NAALADL2: variants seen among roughly 807,000 people sequenced by gnomAD.
NAALADL2 encodes N-acetylated alpha-linked acidic dipeptidase like 2.
A neutral mutation model predicts 87.2 loss-of-function variants in NAALADL2; 76 were observed. The ratio of observed to expected loss-of-function variants is 0.87; its 90% CI spans 0.72 to 1.05. The LOEUF (loss-of-function observed/expected upper bound fraction) is 1.05, where lower values mean the gene tolerates loss of function less well. Ranked by LOEUF, NAALADL2 falls within the 50% of genes least tolerant of loss-of-function variation. NAALADL2 has a pLI of 0.00. For missense variants in NAALADL2, 1,089 were observed against 945.8 expected (o/e 1.15, Z -1.99); for synonymous variants, 354 against 331.0 (o/e 1.07, Z -0.75).
intron 13 of NAALADL2, chr3:175,775,080 A>G (rs902299216): frequency 2.0e-5 from 3 of 148,900 alleles, no homozygotes; most frequent in Non-Finnish European, 3.0e-5. Context: ...TATGATCAGA[A>G]AGTAGTAAGG....
At chr3:174,669,024 A>C (rs533884834) in intron 2 of NAALADL2, among the ~76,000 whole-genome samples, 105 of 152,268 alleles carry the variant, frequency 6.9e-4, no homozygotes, top group African/African-American at 2.4e-3. Context: ...GAACTAGTTT[A>C]TAGTCCCACC....
chr3:174,449,797 AT>A (rs1338418615), intron 1 of NAALADL2, among the ~76,000 whole-genome samples: 5 of 152,160 alleles, frequency 3.3e-5, no homozygotes, highest in Non-Finnish European at 7.4e-5. Flanking sequence ...CCACTTTTTC[AT>A]TAGTCCTTCT....
intron 1 of NAALADL2, among the ~76,000 whole-genome samples, chr3:174,880,915 G>A (rs1222057948): frequency 6.6e-6 from 1 of 152,010 alleles, no homozygotes; most frequent in Non-Finnish European, 1.5e-5. Flanking sequence ...GATTCTGGTG[G>A]CTGATGGCAA....
At chr3:174,690,433 A>G (rs553419853) in intron 2 of NAALADL2, among the ~76,000 whole-genome samples, 1 of 152,198 alleles carries the variant, frequency 6.6e-6, no homozygotes, top group Non-Finnish European at 1.5e-5. Context: ...TAAATTAAGC[A>G]TATCTTAAAT....
At chr3:174,700,699 A>C (rs1729468196) in intron 2 of NAALADL2, among the ~76,000 whole-genome samples, 1 of 152,234 alleles carries the variant, frequency 6.6e-6, no homozygotes, top group South Asian at 2.1e-4. Context: ...TGGAAGTCAG[A>C]TAATATACAG....
At chr3:175,010,964 G>A (rs1042945219) in intron 1 of NAALADL2, among the ~76,000 whole-genome samples, 1 of 152,068 alleles carries the variant, frequency 6.6e-6, no homozygotes, top group Non-Finnish European at 1.5e-5. Flanking sequence ...TTGGTATAAA[G>A]TAATAAAGAG....
intron 9 of NAALADL2, among the ~76,000 whole-genome samples, chr3:175,550,010 T>G (rs1031606891): frequency 2.0e-5 from 3 of 151,898 alleles, no homozygotes; most frequent in Admixed American, 2.0e-4. Flanking sequence ...TAACAAAGAG[T>G]GAACCCTGTG....
intron 2 of NAALADL2, among the ~76,000 whole-genome samples, chr3:175,112,224 A>T (rs1256229300): frequency 6.6e-6 from 1 of 151,030 alleles, no homozygotes; most frequent in African/African-American, 2.4e-5. Context: ...TGCCCAGCCC[A>T]TGTCTCTTCT....
intron 5 of NAALADL2, among the ~76,000 whole-genome samples, chr3:175,401,547 A>G (rs1321958563): frequency 1.3e-5 from 2 of 152,140 alleles, no homozygotes; most frequent in African/African-American, 4.8e-5. Context: ...CCCAGATTAT[A>G]TAGCCTAACA....
chr3:175,786,463 C>A (rs1323313472), intron 13 of NAALADL2, among the ~76,000 whole-genome samples: 1 of 152,022 alleles, frequency 6.6e-6, no homozygotes, highest in Non-Finnish European at 1.5e-5. Context: ...TCTTCCATTG[C>A]TGATACCCTT....
chr3:175,584,454 C>T (rs912626325), intron 10 of NAALADL2, among the ~76,000 whole-genome samples: 13 of 152,198 alleles, frequency 8.5e-5, no homozygotes, highest in African/African-American at 3.1e-4. Context: ...CATTCTATCA[C>T]CAGATTTCTG....
At chr3:175,702,492 T>G (rs1053694903) in intron 11 of NAALADL2, among the ~76,000 whole-genome samples, 4 of 152,022 alleles carry the variant, frequency 2.6e-5, no homozygotes, top group Admixed American at 6.5e-5. Context: ...TAAAAAAGAA[T>G]CACTGCCTAC....
Position 174,551,066 on chromosome 3 carries a change from C to A in NAALADL2, c.-115+429C>A, listed in dbSNP as rs1227817361. 1.6e-4 allele frequency: 24 copies of A among 151,980 alleles called. 1 individual carries two copies. The highest frequency in any genetic ancestry group is 1.6e-3 in the Admixed American group (24 of 15,244). The allele number at this position is 151,980 out of a possible 1,614,324, so 9.4% of individuals were successfully genotyped here. On this transcript the variant is annotated intron_variant, in intron 2 of 3. Coordinates refer to the NAALADL2 transcript ENST00000434257. ...TGTGCAGGGTAGTTACATATGTATA[C>A]ATGTGCCATGCTGGTGTGCTGCACC...
At chr3:175,741,239 G>C (rs1017157409) in intron 12 of NAALADL2, among the ~76,000 whole-genome samples, 1 of 152,150 alleles carries the variant, frequency 6.6e-6, no homozygotes, top group African/African-American at 2.4e-5. Context: ...TGTTTGGTGA[G>C]GGTTCACTTC....
chr3:175,380,924 A>G lies in NAALADL2; in HGVS notation c.1090+56599A>G, dbSNP rs557681728. ...TTTAAATTTTCAACATCTTTTATCT[A>G]TGGAGATATTTCCAACTTATGAGAC... is the stretch of plus-strand genomic sequence containing the variant. On this transcript the variant is annotated intron_variant, in intron 5 of 13. Transcript: ENST00000454872. Among the ~76,000 whole-genome samples, 21 of 152,148 alleles carry G rather than the reference A, an allele frequency of 1.4e-4. No individual in the cohort carries two copies. The East Asian group carries it at 1.9e-3, about 14-fold the overall frequency.
intron 3 of NAALADL2, among the ~76,000 whole-genome samples, chr3:175,248,721 G>A (rs1057170814): frequency 4.6e-5 from 7 of 152,076 alleles, no homozygotes; most frequent in Middle Eastern, 3.2e-3. Flanking sequence ...GTATGAAGGC[G>A]TCCCTATGTG....
At chr3:175,763,960 TG>T (rs1309060193) in intron 13 of NAALADL2, among the ~76,000 whole-genome samples, 1 of 152,096 alleles carries the variant, frequency 6.6e-6, no homozygotes, top group African/African-American at 2.4e-5. Flanking sequence ...TCATTTGGAT[TG>T]ATTTGAAAGG....
intron 2 of NAALADL2, among the ~76,000 whole-genome samples, chr3:175,175,897 A>G (rs983321141): frequency 1.3e-5 from 2 of 152,094 alleles, no homozygotes; most frequent in Admixed American, 1.3e-4. Flanking sequence ...CTTTATTTGT[A>G]ATACATATTT....
intron 3 of NAALADL2, among the ~76,000 whole-genome samples, chr3:174,781,716 T>C (rs558493228): frequency 6.1e-4 from 93 of 152,078 alleles, no homozygotes; most frequent in African/African-American, 2.0e-3. Context: ...AAAGAGTTGA[T>C]GATACAAATG....
Sources: gnomAD v4.1 joint callset for allele counts (sites outside exome capture counted in the v4.1 genomes callset) on GRCh38, gnomAD v4.1.1 for gene constraint, MANE v1.5 for transcripts, NCBI Gene and HGNC (gene_info 2026-07-23, HGNC 2026-07-21) for gene names.